The following USF3 variants were observed in gnomAD, a reference collection of about 807,000 sequenced individuals.
The protein encoded by USF3 is basic helix-loop-helix domain-containing protein USF3.
A neutral mutation model predicts 157.5 loss-of-function variants in USF3; 29 were observed. The observed-to-expected ratio is 0.18, with a 90% CI of 0.14 to 0.25. The LOEUF (loss-of-function observed/expected upper bound fraction) is 0.25. USF3 is among the 10% of genes least tolerant of loss of function. The probability of loss-of-function intolerance (pLI) is 1.00; values close to 1 mark genes in which losing one functional copy is unlikely to be tolerated. For missense variants in USF3, 2,381 were observed against 2,667.6 expected (o/e 0.89, Z 2.37); for synonymous variants, 893 against 941.4 (o/e 0.95, Z 0.94).
intron 4 of USF3, among the ~76,000 whole-genome samples, chr3:113,672,436 T>C (rs936569136): frequency 6.6e-6 from 1 of 152,112 alleles, no homozygotes; most frequent in Middle Eastern, 3.2e-3. Context: ...TATAAGCACA[T>C]ATCTATGGCA....
chr3:113,680,331 T>C (rs1047841811), intron 1 of USF3, among the ~76,000 whole-genome samples: 6 of 152,066 alleles, frequency 3.9e-5, no homozygotes, highest in Admixed American at 6.6e-5. Context: ...TTTTGGTAGG[T>C]TGTATGTGTC....
rs972204490 is a variant in USF3, at chr3:113,678,966, C to G, written c.-134-1569G>C. 2.6e-5 allele frequency among the ~76,000 whole-genome samples: 4 copies of G among 151,794 alleles called. No homozygotes were observed. In the South Asian group the frequency reaches 6.2e-4, roughly 24 times the overall value. ...CTCACTATGGTGTCCAGGCTGGTCT[C>G]TCTGTCTTAGAGATGGGATCTCACT... On this transcript the variant is annotated intron_variant, in intron 1 of 6. Coordinates refer to ENST00000316407, the MANE Select transcript of USF3 (RefSeq NM_001009899.4).
chr3:113,656,023 T>C lies in USF3; in HGVS notation c.5659A>G (p.Asn1887Asp), dbSNP rs749161204. ...ATATTCAAGGTGCTGTTCCTGGTGT[T>C]AATTGCACCTAACGACATGTCACAA... ...ESCDMSLGAI[N>D]TRNSTLNIPF... Residue 1887 changes from asparagine to aspartate, a missense_variant, in exon 7 of 7, where the codon AAC becomes GAC. Physicochemically the swap from Asn to Asp is conservative, Grantham distance 23. Around this residue, in one of 6 missense-constraint regions of USF3, gnomAD observed 770 missense variants for 824.2 expected, o/e 0.93. Coordinates refer to ENST00000316407, the MANE Select transcript of USF3 (RefSeq NM_001009899.4). The C allele has an allele frequency of 6.2e-7, 1 of 1,614,246 alleles. No individual in the cohort carries two copies. Among genetic ancestry groups the C allele is most frequent in the South Asian group, 1.1e-5 (1 of 91,088 alleles).
intron 3 of USF3, 29 bp downstream of exon 3, chr3:113,674,803 C>T: frequency 6.3e-7 from 1 of 1,592,432 alleles, no homozygotes; most frequent in Non-Finnish European, 8.6e-7. Flanking sequence ...CTGCCCAAAG[C>T]ATATTATATT....
chr3:113,666,133 G>A (rs531806755), intron 5 of USF3, among the ~76,000 whole-genome samples: 66 of 151,448 alleles, frequency 4.4e-4, no homozygotes, highest in Non-Finnish European at 8.0e-4. Context: ...GTGGTGAGCC[G>A]AGATTGTGCC....
At chr3:113,662,757 A>C (rs561982580) in intron 6 of USF3, among the ~76,000 whole-genome samples, 3 of 152,096 alleles carry the variant, frequency 2.0e-5, no homozygotes, top group South Asian at 4.2e-4. Context: ...TCAAGCAATT[A>C]CTCTGTGCTA....
chr3:113,695,921 T>C (rs1320275736), intron 1 of USF3, among the ~76,000 whole-genome samples: 2 of 152,162 alleles, frequency 1.3e-5, no homozygotes, highest in Non-Finnish European at 2.9e-5. Context: ...GCAAGCCACA[T>C]GAGTCTGACG....
rs377048228 is a variant in USF3, at chr3:113,656,524, G to A, written c.5158C>T (p.Arg1720Cys). The A allele has an allele frequency of 8.1e-6, 13 of 1,614,156 alleles. No homozygotes were observed. Among genetic ancestry groups the A allele is most frequent in the South Asian group, 2.2e-5 (2 of 91,066 alleles). ...TCTGAGGCCACAGTATGGTCCACAC[G>A]ACCCTGCATATTATGAATAGCCAAA... ...KSLAIHNMQG[R>C]VDHTVASDIR... Residue 1720 changes from arginine to cysteine, a missense_variant, in exon 7 of 7, where the codon CGT (arginine) becomes TGT (cysteine). Arg to Cys is a radical substitution (Grantham distance 180, BLOSUM62 -3). Transcript: ENST00000316407.
Position 113,654,988 on chromosome 3 carries a change from T to A in USF3, c.6694A>T (p.Asn2232Tyr). 4 of 1,613,990 alleles carry A rather than the reference T, an allele frequency of 2.5e-6. No homozygotes were observed. Among genetic ancestry groups the A allele is most frequent in the Non-Finnish European group, 3.4e-6 (4 of 1,179,890 alleles). ...TCATGACCTAGAATATGGCTTATGTTATGGGCAGGTCTGTTTGAGGACTGC... is the reference window on the plus strand; with the variant it reads ...TCATGACCTAGAATATGGCTTATGTAATGGGCAGGTCTGTTTGAGGACTGC... ...SKQSSNRPAHNISHILGHDCS... is the reference protein window; with the variant it reads ...SKQSSNRPAHYISHILGHDCS... The change falls in exon 7 of 7, where the codon AAC (asparagine) becomes TAC (tyrosine). Residue 2232 changes from asparagine (N) to tyrosine (Y), a missense_variant. Physicochemically the swap from Asn to Tyr is moderately radical, Grantham distance 143. Coordinates refer to ENST00000316407, the MANE Select transcript of USF3 (RefSeq NM_001009899.4).
At position 113,661,195 on chromosome 3, in the gene USF3, T is replaced by C. The variant is rs1474305590; in HGVS notation, c.487A>G (p.Thr163Ala). Reference sequence around the variant, plus strand: ...TTAAAAGTTATCCCCTGAACAGCTGTTCCCTGGCTGTTTCCACCAGGCTGA... The same window carrying C: ...TTAAAAGTTATCCCCTGAACAGCTGCTCCCTGGCTGTTTCCACCAGGCTGA... ...GNQPGGNSQG[T>A]AVQGITFNVS... The change falls in exon 7 of 7, where the codon ACA becomes GCA. Residue 163 changes from threonine (T) to alanine (A), a missense_variant. Transcript: ENST00000316407. 6.6e-7 allele frequency: 1 copy of C among 1,504,856 alleles called. No individual in the cohort carries two copies. The highest frequency in any genetic ancestry group is 9.3e-7 in the Non-Finnish European group (1 of 1,081,040). 93.2% of individuals were successfully genotyped at this position (1,504,856 alleles called of 1,614,324 possible).
At chr3:113,664,229 T>C (rs543606582) in intron 6 of USF3, 84 bp downstream of exon 6, 7 of 839,144 alleles carry the variant, frequency 8.3e-6, no homozygotes, top group Non-Finnish European at 1.3e-5. Flanking sequence ...AAAAGCTTTC[T>C]ATGTCATAAT....
In USF3 at chr3:113,657,702, G is replaced by A; in HGVS notation, c.3980C>T (p.Ser1327Phe). 1 of 1,614,194 alleles carries A rather than the reference G, an allele frequency of 6.2e-7. No individual in the cohort carries two copies. Among genetic ancestry groups the A allele is most frequent in the Non-Finnish European group, 8.5e-7 (1 of 1,180,032 alleles). Residue 1327 changes from serine (S) to phenylalanine (F), a missense_variant, in exon 7 of 7, where the codon TCT becomes TTT. By Grantham distance (155) the Ser-to-Phe change is radical. Around this residue, in one of 6 missense-constraint regions of USF3, gnomAD observed 1,435 missense variants for 1,550.9 expected, o/e 0.93. Coordinates refer to ENST00000316407, the MANE Select transcript of USF3 (RefSeq NM_001009899.4). Reference protein sequence around the residue: ...LKPSHESRKDSAKRAVQDDLL... With the variant: ...LKPSHESRKDFAKRAVQDDLL... ...GTCATCTTGGACAGCACGCTTAGCAGAATCCTTACGGCTTTCATGGCTTGG... is the reference window on the plus strand; with the variant it reads ...GTCATCTTGGACAGCACGCTTAGCAAAATCCTTACGGCTTTCATGGCTTGG...
At chr3:113,663,059 A>G (rs961624776) in intron 6 of USF3, among the ~76,000 whole-genome samples, 1 of 150,096 alleles carries the variant, frequency 6.7e-6, no homozygotes, top group African/African-American at 2.5e-5. Context: ...TACTAGATAC[A>G]TGCACAGTGA....
At chr3:113,674,070 A>C (rs1399096383) in intron 3 of USF3, among the ~76,000 whole-genome samples, 2 of 152,244 alleles carry the variant, frequency 1.3e-5, no homozygotes, top group East Asian at 3.8e-4. Flanking sequence ...AAGCAGAAAC[A>C]TTGCTAAAGG....
At chr3:113,676,829 A>T (rs1190114785) in intron 2 of USF3, among the ~76,000 whole-genome samples, 1 of 151,920 alleles carries the variant, frequency 6.6e-6, no homozygotes, top group African/African-American at 2.4e-5. Context: ...GGCAAGTTAC[A>T]TGACCCTCAG....
At position 113,660,493 on chromosome 3, in the gene USF3, C is replaced by T; in HGVS notation, c.1189G>A (p.Gly397Ser). 6.2e-7 allele frequency: 1 copy of T among 1,614,118 alleles called. No homozygotes were observed. Among genetic ancestry groups the T allele is most frequent in the African/African-American group, 1.3e-5 (1 of 75,046 alleles). Residue 397 changes from glycine to serine, a missense_variant, in exon 7 of 7, where the codon GGT becomes AGT. Transcript: ENST00000316407. ...STLSGNPLDN[G>S]WTLSCSLPSS... ...GGCAAAGAACAAGAAAGAGTCCAAC[C>T]ATTGTCCAAAGGGTTTCCCGAAAGA...
chr3:113,663,787 T>C (rs923790822), intron 6 of USF3, among the ~76,000 whole-genome samples: 7 of 152,252 alleles, frequency 4.6e-5, no homozygotes, highest in Non-Finnish European at 1.0e-4. Context: ...GAGAACTCAT[T>C]TGATGGCATT....
rs755045249 is a variant in USF3, at chr3:113,655,288, T to C, written c.6394A>G (p.Asn2132Asp). 6.2e-7 allele frequency: 1 copy of C among 1,614,052 alleles called. No individual in the cohort carries two copies. Residue 2132 changes from asparagine to aspartate, a missense_variant, in exon 7 of 7, where the codon AAT (asparagine) becomes GAT (aspartate). By Grantham distance (23) the Asn-to-Asp change is conservative. Transcript: ENST00000316407. ...GTGCTAGGATTTGAGAACATCTGATTAGGAAAATAGGGGATTGAAATATCA... is the reference window on the plus strand; with the variant it reads ...GTGCTAGGATTTGAGAACATCTGATCAGGAAAATAGGGGATTGAAATATCA... ...SNDISIPYFP[N>D]QMFSNPSTEK...
At position 113,660,748 on chromosome 3, in the gene USF3, T is replaced by G. The variant is rs192213473; in HGVS notation, c.934A>C (p.Thr312Pro). 1 of 1,614,088 alleles carries G rather than the reference T, an allele frequency of 6.2e-7. No homozygotes were observed. The highest frequency in any genetic ancestry group is 2.2e-5 in the East Asian group (1 of 44,898). ...GACTTGTTTCCATGGTGCACTTTAG[T>G]GGCAGTTGCTGAGGAGCTGTGGGGG... ...NIPHSSSATA[T>P]KVHHGNKSCL... Residue 312 changes from threonine (T) to proline (P), a missense_variant, in exon 7 of 7, where the codon ACT becomes CCT. This residue lies in a region of USF3 where 1,435 missense variants were observed against 1,550.9 expected (regional missense o/e 0.93). Transcript: ENST00000316407.
Sources: allele counts gnomAD v4.1 joint callset (sites outside exome capture counted in the v4.1 genomes callset), GRCh38; gene constraint gnomAD v4.1.1; regional missense constraint gnomAD v4.1.1; transcripts MANE v1.5; gene names NCBI Gene and HGNC (gene_info 2026-07-23, HGNC 2026-07-21).